RAB13: variants seen among roughly 807,000 people sequenced by gnomAD.
The protein encoded by RAB13 is ras-related protein Rab-13.
In RAB13, 15 loss-of-function variants were observed where a neutral mutation model predicts 29.3. The observed-to-expected ratio is 0.51, with a 90% CI of 0.34 to 0.79. The LOEUF is 0.79. RAB13 is among the 30% of genes least tolerant of loss of function. The pLI is 0.01. For synonymous variants in RAB13, 82 were observed against 93.8 expected, an observed-to-expected ratio of 0.87 and a Z score of 0.73; for missense variants, 186 against 255.5, an observed-to-expected ratio of 0.73 and a Z score of 1.85.
chr1:153,982,121 G>C lies in RAB13; in HGVS notation c.590C>G (p.Thr197Ser), dbSNP rs1330641199. 6.2e-7 allele frequency: 1 copy of C among 1,613,848 alleles called. No individual in the cohort carries two copies. The highest frequency in any genetic ancestry group is 8.5e-7 in the Non-Finnish European group (1 of 1,179,996). The change falls in exon 8 of 8, where the codon ACC becomes AGC. Residue 197 changes from threonine (T) to serine (S), a missense_variant. Physicochemically the swap from Thr to Ser is moderately conservative, Grantham distance 58 (BLOSUM62 1). Transcript: ENST00000368575. ...TCCTCAGCCCAGGGAGCACTTGTTG[G>C]TGTTCTTCTTGTCACAAGTTTTCAG... Reference protein sequence around the residue: ...TDLKTCDKKNTNKCSLG With the variant: ...TDLKTCDKKNSNKCSLG
chr1:153,987,420 G>GCTC (rs1158988990), upstream of RAB13, among the ~76,000 whole-genome samples: 1 of 151,438 alleles, frequency 6.6e-6, no homozygotes, highest in Non-Finnish European at 1.5e-5. Context: ...GGAGGCTGAG[G>GCTC]CAGGAGAATG....
intron 6 of RAB13, 23 bp downstream of exon 6, chr1:153,982,512 G>A (rs374620206): frequency 1.6e-5 from 25 of 1,609,760 alleles, no homozygotes; most frequent in Admixed American, 1.0e-4. Context: ...TCTCTTGGTC[G>A]GGGATGGGGG....
chr1:153,989,335 C>G (rs892895369), upstream of RAB13, among the ~76,000 whole-genome samples: 1 of 150,322 alleles, frequency 6.7e-6, no homozygotes, highest in Non-Finnish European at 1.5e-5. Flanking sequence ...CTGCAAGCTC[C>G]GCCTCCCGGG....
rs201485878 is a variant in RAB13 at position 153,982,190 on chromosome 1, G to A, written c.535-14C>T. The A allele has an allele frequency of 3.0e-5, 48 of 1,610,106 alleles. No individual in the cohort carries two copies. Among genetic ancestry groups the A allele is most frequent in the Admixed American group, 1.8e-4 (11 of 59,952 alleles). Reference sequence around the variant, plus strand: ...GTTGCCGTTTCCCTAGAGGGAGAAGGGCACAGGTGTCATGGTGTGAATGGA... The same window carrying A: ...GTTGCCGTTTCCCTAGAGGGAGAAGAGCACAGGTGTCATGGTGTGAATGGA... On this transcript the variant is annotated splice_polypyrimidine_tract_variant and intron_variant, in intron 7 of 7. Coordinates refer to ENST00000368575, the MANE Select transcript of RAB13 (RefSeq NM_002870.5).
chr1:153,983,525 G>C lies in RAB13; in HGVS notation c.242C>G (p.Ala81Gly), dbSNP rs1182978819. The change falls in exon 3 of 8, where the codon GCC (alanine) becomes GGC (glycine). Residue 81 changes from alanine (A) to glycine (G), a missense_variant. Physicochemically the swap from Ala to Gly is moderately conservative, Grantham distance 60. Transcript: ENST00000368575. ...GTTCAGACCCACACTTCATACCATG[G>C]CTCCACGGTAGTAGGCAGTAGTTAT... is the stretch of plus-strand genomic sequence containing the variant. Reference protein sequence around the residue: ...KTITTAYYRGAMGIILVYDIT... With the variant: ...KTITTAYYRGGMGIILVYDIT... 1 of 1,606,730 alleles carries C rather than the reference G, an allele frequency of 6.2e-7. No individual in the cohort carries two copies. Among genetic ancestry groups the C allele is most frequent in the Non-Finnish European group, 8.5e-7 (1 of 1,173,462 alleles).
Position 153,982,175 on chromosome 1 carries a change from C to A in RAB13, c.536G>T (p.Gly179Val). ...AGTACTGGGAGGCTTGTTGCCGTTT[C>A]CCTAGAGGGAGAAGGGCACAGGTGT... is the stretch of plus-strand genomic sequence containing the variant. ...ILLKSGGRRS[G>V]NGNKPPSTDL... Residue 179 changes from glycine to valine, a missense_variant and splice_region_variant, in exon 8 of 8, where the codon GGA becomes GTA. Transcript: ENST00000368575. 2 of 1,613,532 alleles carry A rather than the reference C, an allele frequency of 1.2e-6. No individual in the cohort carries two copies. Among genetic ancestry groups the A allele is most frequent in the Middle Eastern group, 1.7e-4 (1 of 6,042 alleles).
chr1:153,982,023 T>C lies in RAB13; in HGVS notation c.*76A>G. 1 of 1,303,724 alleles carries C rather than the reference T, an allele frequency of 7.7e-7. No individual in the cohort carries two copies. The highest frequency in any genetic ancestry group is 2.3e-4 in the Middle Eastern group (1 of 4,296). 80.8% of individuals were successfully genotyped at this position (1,303,724 alleles called of 1,614,324 possible). On this transcript the variant is annotated 3_prime_UTR_variant, in exon 8 of 8. Coordinates refer to ENST00000368575, the MANE Select transcript of RAB13 (RefSeq NM_002870.5). ...TGTGACCCTCCAAGCCCCTCTGCTA[T>C]TTCTCCCCTGCTCACTCCCTCTGCC... is the stretch of plus-strand genomic sequence containing the variant.
upstream of RAB13, among the ~76,000 whole-genome samples, chr1:153,987,625 T>A (rs1367729983): frequency 6.7e-6 from 1 of 148,164 alleles, no homozygotes; most frequent in East Asian, 2.0e-4. Flanking sequence ...TGGAAAAAAA[T>A]ACGAAACACG....
chr1:153,985,347 A>T (rs553534428), intron 1 of RAB13: 9 of 984,080 alleles, frequency 9.1e-6, no homozygotes, highest in Non-Finnish European at 1.1e-5. Flanking sequence ...TTGTCGTGAG[A>T]CTCTTCCTGT....
upstream of RAB13, among the ~76,000 whole-genome samples, chr1:153,989,924 G>T (rs1649303558): frequency 6.6e-6 from 1 of 151,754 alleles, no homozygotes; most frequent in Admixed American, 6.6e-5. Context: ...TAAAAAAAAA[G>T]AAGGCATCTT....
chr1:153,981,977 A>C lies in RAB13; in HGVS notation c.*122T>G. 3 of 750,116 alleles carry C rather than the reference A, an allele frequency of 4.0e-6. No homozygotes were observed. The highest frequency in any genetic ancestry group is 1.8e-5 in the African/African-American group (1 of 54,386). The allele number at this position is 750,116 out of a possible 1,614,324, so 46.5% of individuals were successfully genotyped here. ...TTTCCCTTTTCTCCTTTTTCTCCTC[A>C]TTCTCTTTACCATCTACCTATGTGA... On this transcript the variant is annotated 3_prime_UTR_variant, in exon 8 of 8. Coordinates refer to ENST00000368575, the MANE Select transcript of RAB13 (RefSeq NM_002870.5).
At chr1:153,984,193 A>G (rs927975320) in intron 2 of RAB13, among the ~76,000 whole-genome samples, 6 of 151,826 alleles carry the variant, frequency 4.0e-5, no homozygotes, top group Non-Finnish European at 8.8e-5. Flanking sequence ...AAAAAAAAAA[A>G]AAAAAAGAGG....
chr1:153,982,272 T>C, intron 7 of RAB13, 96 bp from the exon 8 acceptor site: 2 of 1,501,780 alleles, frequency 1.3e-6, no homozygotes, highest in Non-Finnish European at 1.9e-6. Flanking sequence ...ATGAGAAATC[T>C]TAGCATTGCT....
rs901995301 is a variant in RAB13 at position 153,985,187 on chromosome 1, G to A, written c.125-406C>T. On this transcript the variant is annotated intron_variant, in intron 1 of 7. Transcript: ENST00000368575. ...TCTTGGTATCCCACCTACCCTCCTAGTAGAGAGTAAGGAAAAAAGTAGCTG... is the reference window on the plus strand; with the variant it reads ...TCTTGGTATCCCACCTACCCTCCTAATAGAGAGTAAGGAAAAAAGTAGCTG... 3 of 994,146 alleles carry A rather than the reference G, an allele frequency of 3.0e-6. No individual in the cohort carries two copies. In the African/African-American group the frequency reaches 5.2e-5, roughly 17 times the overall value. The allele number at this position is 994,146 out of a possible 1,614,324, so 61.6% of individuals were successfully genotyped here. A position where few individuals can be genotyped will look rare whatever the true frequency, so the allele number is the denominator to read the frequency against.
At position 153,986,126 on chromosome 1, in the gene RAB13, G is replaced by T; in HGVS notation, c.111C>A (p.Tyr37Ter). The part of the protein sequence containing the change: ...RFAEDNFNNT[Y>*]ISTIGIDFKI... Reference sequence around the variant, plus strand: ...CAGCGGGCTCACCGATGGTGGAGATGTAAGTGTTGTTGAAGTTGTCCTCTG... The same window carrying T: ...CAGCGGGCTCACCGATGGTGGAGATTTAAGTGTTGTTGAAGTTGTCCTCTG... Residue 37 changes from tyrosine (Y) to a stop codon, truncating the protein, a stop_gained, in exon 1 of 8, where the codon TAC (tyrosine) becomes TAA (stop). Coordinates refer to ENST00000368575, the MANE Select transcript of RAB13 (RefSeq NM_002870.5). LOFTEE classifies it high-confidence loss of function. 1.2e-6 allele frequency: 2 copies of T among 1,613,736 alleles called. No homozygotes were observed. Among genetic ancestry groups the T allele is most frequent in the Non-Finnish European group, 1.7e-6 (2 of 1,179,964 alleles).
chr1:153,983,148 G>C, intron 4 of RAB13, 71 bp downstream of exon 4: 1 of 1,352,704 alleles, frequency 7.4e-7, no homozygotes, highest in Middle Eastern at 1.8e-4. Flanking sequence ...GTTAGGTCTT[G>C]CCTATCCTGA....
chr1:153,985,299 G>C (rs1052161223), intron 1 of RAB13: 1 of 985,188 alleles, frequency 1.0e-6, no homozygotes, highest in African/African-American at 1.7e-5. Flanking sequence ...AGACAATTAG[G>C]AAAGAGGGGC....
rs1298418045 is a variant in RAB13 at position 153,982,028 on chromosome 1, C to A, written c.*71G>T. The A allele has an allele frequency of 3.0e-6, 4 of 1,346,048 alleles. No homozygotes were observed. In the African/African-American group the frequency reaches 5.8e-5, roughly 19 times the overall value. The allele number at this position is 1,346,048 out of a possible 1,614,324, so 83.4% of individuals were successfully genotyped here. A position where few individuals can be genotyped will look rare whatever the true frequency, so the allele number is the denominator to read the frequency against. ...CCCTCCAAGCCCCTCTGCTATTTCTCCCCTGCTCACTCCCTCTGCCGTTGT... is the reference window on the plus strand; with the variant it reads ...CCCTCCAAGCCCCTCTGCTATTTCTACCCTGCTCACTCCCTCTGCCGTTGT... On this transcript the variant is annotated 3_prime_UTR_variant, in exon 8 of 8. Transcript: ENST00000368575.
chr1:153,987,528 A>AAAAAAAAAAAAAAG (rs570485139), upstream of RAB13, among the ~76,000 whole-genome samples: 51 of 127,474 alleles, frequency 4.0e-4, no homozygotes, highest in Middle Eastern at 4.1e-3. Context: ...AAAAAAAAAA[A>AAAAAAAAAAAAAAG]AAAGAAAGAA....
Sources: allele counts gnomAD v4.1 joint callset (sites outside exome capture counted in the v4.1 genomes callset), GRCh38; gene constraint gnomAD v4.1.1; transcripts MANE v1.5; gene names NCBI Gene and HGNC (gene_info 2026-07-23, HGNC 2026-07-21).